Variants in CDKL4 observed in about 807,000 individuals in gnomAD.
CDKL4 encodes the protein cyclin-dependent kinase-like 4.
In CDKL4, 44 loss-of-function variants were observed where a neutral mutation model predicts 42.0. The ratio of observed to expected loss-of-function variants is 1.05; its 90% confidence interval spans 0.82 to 1.35. The LOEUF (loss-of-function observed/expected upper bound fraction) is 1.35. Ranked by LOEUF, CDKL4 falls within the 40% of genes most tolerant of loss-of-function variation. The pLI is 0.00. For missense variants in CDKL4, 393 were observed against 369.9 expected (o/e 1.06, Z -0.51); for synonymous variants, 120 against 121.6 (o/e 0.99, Z 0.09).
chr2:39,205,484 G>A (rs367621337), intron 4 of CDKL4, among the ~76,000 whole-genome samples: 84 of 151,550 alleles, frequency 5.5e-4, no homozygotes, highest in Non-Finnish European at 1.1e-3. Flanking sequence ...GCCTATAGCC[G>A]GGCTCGGTGG....
At chr2:39,209,456 T>C (rs1297435099) in intron 4 of CDKL4, among the ~76,000 whole-genome samples, 1 of 152,208 alleles carries the variant, frequency 6.6e-6, no homozygotes, top group Non-Finnish European at 1.5e-5. Context: ...AGTGATATTA[T>C]AGGGTAAAAG....
chr2:39,199,794 A>T (rs1387297469), intron 5 of CDKL4, among the ~76,000 whole-genome samples: 1 of 152,214 alleles, frequency 6.6e-6, no homozygotes, highest in East Asian at 1.9e-4. Context: ...GCATTGCTTT[A>T]TGATGAAAAC....
chr2:39,185,919 C>T (rs1675806779), intron 7 of CDKL4, among the ~76,000 whole-genome samples: 1 of 152,124 alleles, frequency 6.6e-6, no homozygotes, highest in Non-Finnish European at 1.5e-5. Flanking sequence ...AATCCTACAA[C>T]AGTGCTATAA....
chr2:39,211,395 A>T (rs1390205879), intron 4 of CDKL4, among the ~76,000 whole-genome samples: 1 of 152,158 alleles, frequency 6.6e-6, no homozygotes, highest in Non-Finnish European at 1.5e-5. Context: ...CAAAAATATA[A>T]TGATATATAG....
chr2:39,217,769 T>C (rs1280183766), intron 3 of CDKL4, among the ~76,000 whole-genome samples: 2 of 152,100 alleles, frequency 1.3e-5, no homozygotes, highest in South Asian at 4.1e-4. Context: ...GTTTCGCTCT[T>C]GTTGCCCAGG....
chr2:39,240,517 C>T (rs1679608229), intron 1 of CDKL4, among the ~76,000 whole-genome samples: 1 of 151,050 alleles, frequency 6.6e-6, no homozygotes, highest in Non-Finnish European at 1.5e-5. Context: ...GACATGTAAG[C>T]AAATGTTCAC....
At chr2:39,222,535 A>C (rs969645531) in intron 3 of CDKL4, among the ~76,000 whole-genome samples, 1 of 152,136 alleles carries the variant, frequency 6.6e-6, no homozygotes, top group Admixed American at 6.5e-5. Flanking sequence ...GGCTGCAGTG[A>C]GCCGAGATCG....
intron 5 of CDKL4, among the ~76,000 whole-genome samples, chr2:39,192,924 G>C (rs1676274301): frequency 6.6e-6 from 1 of 151,990 alleles, no homozygotes; most frequent in African/African-American, 2.4e-5. Flanking sequence ...CCAGGAGTTT[G>C]AGGCCAGCCT....
At chr2:39,201,705 T>A (rs1676862093) in intron 5 of CDKL4, among the ~76,000 whole-genome samples, 1 of 152,162 alleles carries the variant, frequency 6.6e-6, no homozygotes, top group African/African-American at 2.4e-5. Flanking sequence ...ATTCTAACCA[T>A]TATTCTAACC....
At chr2:39,216,951 A>G (rs1292383018) in intron 3 of CDKL4, among the ~76,000 whole-genome samples, 3 of 152,198 alleles carry the variant, frequency 2.0e-5, no homozygotes, top group Non-Finnish European at 2.9e-5. Context: ...GCTTCCAAGA[A>G]GGCAGATTCC....
At chr2:39,229,559 T>A in exon 2 of CDKL4, 1 of 1,573,640 alleles carries the variant, frequency 6.4e-7, no homozygotes, top group Non-Finnish European at 8.6e-7. Context: ...TAAATTATTG[T>A]ATCGATTGAC....
intron 1 of CDKL4, among the ~76,000 whole-genome samples, chr2:39,236,359 G>C (rs1222877296): frequency 1.3e-5 from 2 of 152,110 alleles, no homozygotes; most frequent in African/African-American, 4.8e-5. Context: ...CCCAGAAAGA[G>C]AGGAGTAAGT....
At chr2:39,174,852 A>C (rs1675102961), downstream of CDKL4, among the ~76,000 whole-genome samples, 1 of 152,122 alleles carries the variant, frequency 6.6e-6, no homozygotes, top group Non-Finnish European at 1.5e-5. Flanking sequence ...GGCACCTAAT[A>C]TGGTGCTGCA....
chr2:39,172,869 A>C (rs1675040569), downstream of CDKL4, among the ~76,000 whole-genome samples: 1 of 152,206 alleles, frequency 6.6e-6, no homozygotes, highest in African/African-American at 2.4e-5. Context: ...GGCATGAGCC[A>C]CTGCACCTGG....
exon 10 of CDKL4, chr2:39,175,886 C>A (rs1228991084): frequency 5.3e-6 from 2 of 379,520 alleles, no homozygotes; most frequent in Non-Finnish European, 1.1e-5. Context: ...TTCTAGAAGG[C>A]ATCTTAATTT....
At chr2:39,214,464 T>G (rs1677793574) in intron 3 of CDKL4, among the ~76,000 whole-genome samples, 1 of 152,166 alleles carries the variant, frequency 6.6e-6, no homozygotes, top group South Asian at 2.1e-4. Context: ...ATTTACTTAG[T>G]CTCTATTGAT....
At chr2:39,195,802 C>T (rs984164469) in intron 5 of CDKL4, among the ~76,000 whole-genome samples, 2 of 151,952 alleles carry the variant, frequency 1.3e-5, no homozygotes, top group Non-Finnish European at 2.9e-5. Flanking sequence ...AGCCACTGCG[C>T]CCTGCCTTAT....
chr2:39,184,519 C>A, intron 8 of CDKL4, 72 bp downstream of exon 8: 2 of 1,044,402 alleles, frequency 1.9e-6, no homozygotes, highest in Non-Finnish European at 1.5e-6. Context: ...CCACTGTCCA[C>A]CCCTCCTCAA....
At chr2:39,189,169 G>A (rs1037337817) in intron 6 of CDKL4, among the ~76,000 whole-genome samples, 3 of 152,240 alleles carry the variant, frequency 2.0e-5, no homozygotes, top group African/African-American at 7.2e-5. Context: ...CAGCAGCCAT[G>A]CTGCCAGGAG....
Sources: allele counts gnomAD v4.1 joint callset (sites outside exome capture counted in the v4.1 genomes callset), GRCh38; gene constraint gnomAD v4.1.1; transcripts MANE v1.5; gene names NCBI Gene and HGNC (gene_info 2026-07-23, HGNC 2026-07-21).